Variants in RASAL2 observed in about 807,000 individuals in gnomAD.
RASAL2 encodes the protein ras GTPase-activating protein nGAP.
Under a neutral mutation model 128.9 loss-of-function variants are expected in RASAL2, and 58 were observed. That is an observed-to-expected ratio of 0.45 (90% CI 0.36 to 0.56). The LOEUF is 0.56. Among genes scored for constraint, RASAL2 ranks in the 20% least tolerant of loss-of-function variants. The probability of loss-of-function intolerance (pLI) is 0.00; values close to 1 mark genes in which losing one functional copy is unlikely to be tolerated. For synonymous variants in RASAL2, 561 were observed against 580.8 expected (o/e 0.97, Z 0.49); for missense variants, 1,360 against 1,601.6 (o/e 0.85, Z 2.57).
At chr1:178,266,903 G>A (rs1017254351) in intron 1 of RASAL2, among the ~76,000 whole-genome samples, 6 of 152,162 alleles carry the variant, frequency 3.9e-5, no homozygotes, top group South Asian at 2.1e-4. Flanking sequence ...AGGCACATGT[G>A]GGGGCAAAGG....
chr1:178,384,840 T>C (rs1316124683), intron 3 of RASAL2, among the ~76,000 whole-genome samples: 1 of 152,144 alleles, frequency 6.6e-6, no homozygotes, highest in East Asian at 1.9e-4. Context: ...TTTTTTACGC[T>C]ATGGTAACTA....
At chr1:178,253,845 T>C (rs1308699305) in intron 1 of RASAL2, among the ~76,000 whole-genome samples, 1 of 152,206 alleles carries the variant, frequency 6.6e-6, no homozygotes, top group African/African-American at 2.4e-5. Context: ...TTCACTTCTT[T>C]TGTGATTCTT....
intron 3 of RASAL2, among the ~76,000 whole-genome samples, chr1:178,311,454 G>A (rs1320308492): frequency 6.6e-6 from 1 of 151,752 alleles, no homozygotes; most frequent in Non-Finnish European, 1.5e-5. Context: ...AGATCCCCAG[G>A]TCTCCTCCTC....
At chr1:178,438,479 A>G (rs1190686572) in intron 5 of RASAL2, among the ~76,000 whole-genome samples, 1 of 151,880 alleles carries the variant, frequency 6.6e-6, no homozygotes, top group African/African-American at 2.4e-5. Context: ...GTTTACTTCA[A>G]TAGATACTAT....
chr1:178,298,052 G>A (rs1667598279), intron 2 of RASAL2, among the ~76,000 whole-genome samples: 1 of 152,000 alleles, frequency 6.6e-6, no homozygotes. Flanking sequence ...TATTTAGATT[G>A]AACTATTTCT....
intron 4 of RASAL2, among the ~76,000 whole-genome samples, chr1:178,416,985 T>G (rs1358275791): frequency 6.6e-6 from 1 of 151,542 alleles, no homozygotes; most frequent in Non-Finnish European, 1.5e-5. Context: ...TTAGGGTTTT[T>G]TTTTTTGGCA....
chr1:178,410,417 A>G (rs1389682670), intron 4 of RASAL2, among the ~76,000 whole-genome samples: 1 of 152,208 alleles, frequency 6.6e-6, no homozygotes, highest in Non-Finnish European at 1.5e-5. Flanking sequence ...AACCATAAGA[A>G]TTCTAGAAGA....
chr1:178,362,047 T>G (rs1455511910), intron 3 of RASAL2, among the ~76,000 whole-genome samples: 3 of 152,156 alleles, frequency 2.0e-5, no homozygotes, highest in Admixed American at 2.0e-4. Flanking sequence ...CATCTGCCAC[T>G]CACCTCCTGC....
intron 2 of RASAL2, among the ~76,000 whole-genome samples, chr1:178,298,619 T>G (rs1029921557): frequency 6.6e-6 from 1 of 152,192 alleles, no homozygotes; most frequent in African/African-American, 2.4e-5. Flanking sequence ...ATTGATGCAA[T>G]ACATGTCCAT....
At chr1:178,420,254 C>A (rs1043505606) in intron 4 of RASAL2, among the ~76,000 whole-genome samples, 14 of 152,218 alleles carry the variant, frequency 9.2e-5, no homozygotes, top group Admixed American at 2.6e-4. Context: ...TCTTCCATAA[C>A]TAATATAAAC....
intron 5 of RASAL2, among the ~76,000 whole-genome samples, chr1:178,431,167 A>G (rs1441273845): frequency 6.6e-6 from 1 of 152,094 alleles, no homozygotes; most frequent in Non-Finnish European, 1.5e-5. Context: ...CTTTGTAAAC[A>G]TAAACTGGGG....
chr1:178,446,215 G>T (rs573667261), intron 9 of RASAL2, among the ~76,000 whole-genome samples: 2 of 152,078 alleles, frequency 1.3e-5, no homozygotes, highest in Non-Finnish European at 2.9e-5. Context: ...GGCATTAACC[G>T]CTAGAGTAAG....
At chr1:178,168,765 A>G (rs1661601926) in intron 1 of RASAL2, among the ~76,000 whole-genome samples, 3 of 152,092 alleles carry the variant, frequency 2.0e-5, no homozygotes, top group Admixed American at 2.0e-4. Context: ...TGAGTCACAC[A>G]GCATGAACTC....
chr1:178,144,202 A>C (rs879588952), intron 1 of RASAL2, among the ~76,000 whole-genome samples: 2 of 152,174 alleles, frequency 1.3e-5, no homozygotes, highest in Non-Finnish European at 2.9e-5. Context: ...CTGCACAGAT[A>C]GATTCCGTAC....
chr1:178,334,173 T>A (rs1669473157), intron 3 of RASAL2, among the ~76,000 whole-genome samples: 1 of 152,166 alleles, frequency 6.6e-6, no homozygotes, highest in African/African-American at 2.4e-5. Flanking sequence ...TAGTAATAAT[T>A]TTTTACTGCA....
At chr1:178,284,662 C>G (rs964144095) in intron 2 of RASAL2, among the ~76,000 whole-genome samples, 3 of 152,108 alleles carry the variant, frequency 2.0e-5, no homozygotes, top group Admixed American at 2.0e-4. Flanking sequence ...GGTGATTAAT[C>G]AGGTAATTGA....
intron 1 of RASAL2, among the ~76,000 whole-genome samples, chr1:178,109,625 A>G (rs79770127): frequency 0.057 from 8,753 of 152,232 alleles, 300 homozygotes; most frequent in South Asian, 0.083. Context: ...TTTCTTACAA[A>G]TAGGTTGCAG....
intron 5 of RASAL2, among the ~76,000 whole-genome samples, chr1:178,433,637 GC>G (rs1402372453): frequency 6.6e-6 from 1 of 152,090 alleles, no homozygotes; most frequent in Admixed American, 6.6e-5. Flanking sequence ...GTGTTGCCAA[GC>G]ATGTTGGCTC....
chr1:178,342,218 GA>G (rs1669917717), intron 3 of RASAL2, among the ~76,000 whole-genome samples: 2 of 152,144 alleles, frequency 1.3e-5, no homozygotes, highest in Admixed American at 1.3e-4. Context: ...AGTTAAATCT[GA>G]AAGAGACTTG....
Sources: allele counts gnomAD v4.1 joint callset (sites outside exome capture counted in the v4.1 genomes callset), GRCh38; gene constraint gnomAD v4.1.1; transcripts MANE v1.5; gene names NCBI Gene and HGNC (gene_info 2026-07-23, HGNC 2026-07-21).